Variants in COL25A1 observed in about 807,000 individuals in gnomAD.
The protein encoded by COL25A1 is collagen alpha-1(XXV) chain.
In COL25A1, 103 loss-of-function variants were observed where a neutral mutation model predicts 128.4. The ratio of observed to expected loss-of-function variants is 0.80; its 90% CI spans 0.68 to 0.94. The LOEUF is 0.94. Among genes scored for constraint, COL25A1 ranks in the 40% least tolerant of loss-of-function variants. The pLI is 0.00. For missense variants in COL25A1, 745 were observed against 840.0 expected (o/e 0.89, Z 1.40); for synonymous variants, 279 against 277.2 (o/e 1.01, Z -0.06).
chr4:109,172,319 A>AGC (rs1773661954), intron 3 of COL25A1, among the ~76,000 whole-genome samples: 2 of 152,184 alleles, frequency 1.3e-5, no homozygotes, highest in African/African-American at 4.8e-5. Flanking sequence ...GATACAAAAA[A>AGC]TGCGATAAGA....
At chr4:108,881,515 A>G (rs941102658) in intron 19 of COL25A1, among the ~76,000 whole-genome samples, 1 of 152,232 alleles carries the variant, frequency 6.6e-6, no homozygotes, top group African/African-American at 2.4e-5. Context: ...GAAGATTATG[A>G]GTAATGCGCT....
intron 3 of COL25A1, among the ~76,000 whole-genome samples, chr4:109,127,992 C>A (rs997428622): frequency 6.6e-5 from 10 of 152,104 alleles, no homozygotes; most frequent in African/African-American, 2.4e-4. Context: ...TTTTAGGGCC[C>A]TGCAGTCTCC....
chr4:108,927,391 AAATG>A (rs956123075), intron 11 of COL25A1, among the ~76,000 whole-genome samples: 5 of 152,208 alleles, frequency 3.3e-5, no homozygotes, highest in African/African-American at 9.6e-5. Context: ...TAAATGGAAA[AAATG>A]AATGAATGAA....
At chr4:109,079,742 T>G (rs550472603) in intron 3 of COL25A1, among the ~76,000 whole-genome samples, 46 of 151,780 alleles carry the variant, frequency 3.0e-4, no homozygotes, top group African/African-American at 1.1e-3. Context: ...ATAAGCACAT[T>G]TTTGTGTCAC....
chr4:109,196,508 T>C (rs1232564563), intron 3 of COL25A1, among the ~76,000 whole-genome samples: 1 of 152,214 alleles, frequency 6.6e-6, no homozygotes, highest in East Asian at 1.9e-4. Flanking sequence ...TATGCACAGA[T>C]ATAAATCATG....
chr4:109,203,746 T>TAAAAA lies in COL25A1; in HGVS notation c.367+96836_367+96837insTTTTT, dbSNP rs1240884215. Among the ~76,000 whole-genome samples, 1,277 of 152,296 alleles carry TAAAAA rather than the reference T, an allele frequency of 8.4e-3. 53 individuals are homozygous for TAAAAA. The South Asian group carries it at 0.14, about 16-fold the overall frequency. On this transcript the variant is annotated intron_variant, in intron 3 of 37. Coordinates refer to ENST00000399132, the MANE Select transcript of COL25A1 (RefSeq NM_198721.4). ...AAAATAAATAAAAGTAAAGCAATGT[T>TAAAAA]TAATTCCAAGGGAAAAATTTAATCA...
chr4:109,108,818 T>C (rs1408383263), intron 3 of COL25A1, among the ~76,000 whole-genome samples: 2 of 152,324 alleles, frequency 1.3e-5, no homozygotes, highest in African/African-American at 4.8e-5. Flanking sequence ...ATTTTAGACA[T>C]GCTATTGCAC....
chr4:108,827,072 G>A (rs761714908), intron 33 of COL25A1, 63 bp downstream of exon 33: 42 of 1,421,672 alleles, frequency 3.0e-5, no homozygotes, highest in East Asian at 6.8e-5. Context: ...AGGGTTAACC[G>A]TGTCAGTGAC....
intron 3 of COL25A1, among the ~76,000 whole-genome samples, chr4:109,221,825 T>C (rs1410217605): frequency 6.6e-6 from 1 of 152,152 alleles, no homozygotes; most frequent in Non-Finnish European, 1.5e-5. Context: ...TTCAGTGTTA[T>C]ACATTTTAAG....
chr4:109,235,650 A>G (rs1232012970), intron 3 of COL25A1, among the ~76,000 whole-genome samples: 1 of 152,102 alleles, frequency 6.6e-6, no homozygotes, highest in Non-Finnish European at 1.5e-5. Flanking sequence ...CACTAAATTC[A>G]ATGAGCAGAT....
chr4:109,207,480 TCACTGACAAAA>T (rs1205504221), intron 3 of COL25A1, among the ~76,000 whole-genome samples: 1 of 152,202 alleles, frequency 6.6e-6, no homozygotes, highest in Non-Finnish European at 1.5e-5. Context: ...GAGGTTTCTA[TCACTGACAAAA>T]CACTTAAGAT....
rs1272984677 is a variant in COL25A1 at position 109,301,906 on chromosome 4, C to T, written c.114G>A (p.Ala38=). ...CCACGGCCACCACTGACAGGAGGGC[C>T]GCCAGGACGGCACACGGGGGCATGG... ...ARTMPPCAVL[A]ALLSVVAVVS... is the part of the protein sequence containing the mutation. Residue 38 remains alanine (A), a synonymous_variant, in exon 2 of 38, where the codon GCG becomes GCA. Coordinates refer to ENST00000399132, the MANE Select transcript of COL25A1 (RefSeq NM_198721.4). 1.2e-6 allele frequency: 2 copies of T among 1,614,000 alleles called. No individual in the cohort carries two copies. Among genetic ancestry groups the T allele is most frequent in the African/African-American group, 2.7e-5 (2 of 74,934 alleles).
chr4:109,218,044 C>A (rs1418299380), intron 3 of COL25A1, among the ~76,000 whole-genome samples: 2 of 152,146 alleles, frequency 1.3e-5, no homozygotes, highest in Non-Finnish European at 2.9e-5. Context: ...AGAGCCTACA[C>A]CTTTATGCAC....
At chr4:108,875,865 T>C (rs575048828) in intron 19 of COL25A1, among the ~76,000 whole-genome samples, 1 of 152,148 alleles carries the variant, frequency 6.6e-6, no homozygotes, top group African/African-American at 2.4e-5. Context: ...ATATACACCA[T>C]GGAATACTAT....
At chr4:109,146,980 T>C (rs1322476204) in intron 3 of COL25A1, among the ~76,000 whole-genome samples, 2 of 152,000 alleles carry the variant, frequency 1.3e-5, no homozygotes, top group South Asian at 2.1e-4. Flanking sequence ...ACGAGGACCA[T>C]CAAAACCGTG....
At chr4:109,143,741 T>C (rs1019819585) in intron 3 of COL25A1, among the ~76,000 whole-genome samples, 9 of 152,170 alleles carry the variant, frequency 5.9e-5, no homozygotes, top group Admixed American at 3.3e-4. Flanking sequence ...TTGTGCTGTG[T>C]TTTTCAGCTC....
intron 6 of COL25A1, among the ~76,000 whole-genome samples, chr4:109,003,628 C>A (rs1444851089): frequency 1.3e-5 from 2 of 152,188 alleles, no homozygotes; most frequent in African/African-American, 4.8e-5. Context: ...TGGTGAAACC[C>A]AGTCTCTACT....
chr4:109,149,180 T>C (rs1376304623), intron 3 of COL25A1, among the ~76,000 whole-genome samples: 1 of 152,226 alleles, frequency 6.6e-6, no homozygotes, highest in Non-Finnish European at 1.5e-5. Flanking sequence ...AAGTACTCTA[T>C]AAACATTTGT....
At chr4:108,897,455 A>G (rs1475890893) in intron 15 of COL25A1, among the ~76,000 whole-genome samples, 3 of 152,154 alleles carry the variant, frequency 2.0e-5, no homozygotes, top group Non-Finnish European at 4.4e-5. Context: ...AAGTCTTACA[A>G]TATGTTATGT....
Sources: allele counts gnomAD v4.1 joint callset (sites outside exome capture counted in the v4.1 genomes callset), GRCh38; gene constraint gnomAD v4.1.1; transcripts MANE v1.5; gene names NCBI Gene and HGNC (gene_info 2026-07-23, HGNC 2026-07-21).